Variants in ZNF419 observed in about 807,000 individuals in gnomAD.
The protein encoded by ZNF419 is zinc finger protein 419A.
ZNF419 carries 8 observed loss-of-function variants against 14.9 expected under a neutral mutation model. That is an observed-to-expected ratio of 0.54 (90% CI 0.32 to 0.97). ZNF419 has a LOEUF of 0.97. Ranked by LOEUF, ZNF419 falls within the 50% of genes least tolerant of loss-of-function variation. ZNF419 has a pLI of 0.04. For synonymous variants in ZNF419, 211 were observed against 205.3 expected (o/e 1.03, Z -0.24); for missense variants, 595 against 607.2 (o/e 0.98, Z 0.21).
chr19:57,493,949 T>C lies in ZNF419; in HGVS notation c.1392T>C (p.Phe464=). 6.2e-7 allele frequency: 1 copy of C among 1,614,090 alleles called. No homozygotes were observed. Among genetic ancestry groups the C allele is most frequent in the Non-Finnish European group, 8.5e-7 (1 of 1,180,022 alleles). ...PFKCNECGRL[F]RENSSLVKHQ... Reference sequence around the variant, plus strand: ...AGTGCAATGAATGTGGGAGATTGTTTAGAGAGAATTCCAGCCTTGTTAAAC... The same window carrying C: ...AGTGCAATGAATGTGGGAGATTGTTCAGAGAGAATTCCAGCCTTGTTAAAC... The change falls in exon 5 of 5, where the codon TTT becomes TTC. Residue 464 remains phenylalanine (F), a synonymous_variant. Coordinates refer to ENST00000221735, the MANE Select transcript of ZNF419 (RefSeq NM_024691.4).
chr19:57,495,359 A>T lies in ZNF419; in HGVS notation c.*1269A>T, dbSNP rs950578898. On this transcript the variant is annotated 3_prime_UTR_variant, in exon 5 of 5. Transcript: ENST00000221735. ...GATTGTCTTAATTTTATGGAGCCCA[A>T]TTTATCCATTTGTTATTTTATTCAT... The T allele has an allele frequency of 6.6e-6, 1 of 152,096 alleles. No homozygotes were observed. Among genetic ancestry groups the T allele is most frequent in the Non-Finnish European group, 1.5e-5 (1 of 68,020 alleles). 9.4% of individuals were successfully genotyped at this position (152,096 alleles called of 1,614,324 possible).
chr19:57,495,810 T>C lies in ZNF419; in HGVS notation c.*1720T>C, dbSNP rs997226934. The C allele has an allele frequency of 6.9e-5, 10 of 144,360 alleles. No individual in the cohort carries two copies. Among genetic ancestry groups the C allele is most frequent in the Non-Finnish European group, 1.4e-4 (9 of 66,430 alleles). The allele number at this position is 144,360 out of a possible 1,614,324, so 8.9% of individuals were successfully genotyped here. The stretch of plus-strand genomic sequence containing the variant: ...GCTACTGTAATCTTATGAATCTTTT[T>C]AAATATCCAACTTCTGAAATATTTG... On this transcript the variant is annotated 3_prime_UTR_variant, in exon 5 of 5. Coordinates refer to ENST00000221735, the MANE Select transcript of ZNF419 (RefSeq NM_024691.4).
intron 4 of ZNF419, chr19:57,492,641 C>G (rs1026789864): frequency 1.3e-6 from 1 of 774,292 alleles, no homozygotes; most frequent in African/African-American, 1.7e-5. Flanking sequence ...TATACCCCAT[C>G]CTTGCATCCT....
intron 1 of ZNF419, chr19:57,488,267 A>AG: frequency 1.9e-6 from 1 of 513,528 alleles, no homozygotes; most frequent in East Asian, 3.0e-5. Context: ...TTTCATCCTG[A>AG]GGGGGCCACA....
intron 2 of ZNF419, 187 bp downstream of exon 2, chr19:57,490,372 A>G: frequency 2.3e-6 from 1 of 427,464 alleles, no homozygotes. Flanking sequence ...ATTTTCTTTT[A>G]AGACAGAGTT....
At position 57,493,029 on chromosome 19, in the gene ZNF419, T is replaced by G. The variant is rs375611784; in HGVS notation, c.472T>G (p.Ser158Ala). The change falls in exon 5 of 5, where the codon TCC (serine) becomes GCC (alanine). Residue 158 changes from serine to alanine, a missense_variant. Transcript: ENST00000221735. ...TTGCAAAGTTCACCTATCAGAGAAG[T>G]CCTTGCAAAGCAGGGAGGTTGGGAA... ...RSCKVHLSEK[S>A]LQSREVGKAL... 9.9e-6 allele frequency: 16 copies of G among 1,614,018 alleles called. No individual in the cohort carries two copies. Among genetic ancestry groups the G allele is most frequent in the Non-Finnish European group, 1.4e-5 (16 of 1,180,022 alleles).
At chr19:57,489,532 C>T (rs887655111) in intron 1 of ZNF419, 1 of 135,706 alleles carries the variant, frequency 7.4e-6, no homozygotes, top group Admixed American at 8.0e-5. Flanking sequence ...TTTTGTTGCC[C>T]AGGCTAAACT....
rs2089585397 is a variant in ZNF419, at chr19:57,494,542, G to A, written c.*452G>A. ...GTATTCTTGGCTGTACCCGTCGAAT[G>A]GAGTTTTGATCTCGCTGAGTTTGGA... On this transcript the variant is annotated 3_prime_UTR_variant, in exon 5 of 5. Transcript: ENST00000221735. 1 of 169,488 alleles carries A rather than the reference G, an allele frequency of 5.9e-6. No individual in the cohort carries two copies. The highest frequency in any genetic ancestry group is 1.9e-4 in the South Asian group (1 of 5,266). 10.5% of individuals were successfully genotyped at this position (169,488 alleles called of 1,614,324 possible).
Position 57,493,793 on chromosome 19 carries a change from CACCCT to C in ZNF419, c.1238_1242del (p.Thr413SerfsTer2). On this transcript the variant is annotated frameshift_variant, in exon 5 of 5. Coordinates refer to ENST00000221735, the MANE Select transcript of ZNF419 (RefSeq NM_024691.4). LOFTEE classifies it low-confidence loss of function (END_TRUNC). ...GTGGGAGATTCTTTAGAGAGAATTC[CACCCT>C]AGTTAGACATCAGAGGGTTCACACT... 6.2e-7 allele frequency: 1 copy of C among 1,614,090 alleles called. No individual in the cohort carries two copies. The highest frequency in any genetic ancestry group is 1.3e-5 in the African/African-American group (1 of 75,026).
Position 57,493,057 on chromosome 19 carries a change from C to T in ZNF419, c.500C>T (p.Ala167Val), listed in dbSNP as rs753648392. The T allele has an allele frequency of 2.5e-6, 4 of 1,614,008 alleles. No homozygotes were observed. The highest frequency in any genetic ancestry group is 3.4e-6 in the Non-Finnish European group (4 of 1,179,950). The change falls in exon 5 of 5, where the codon GCC becomes GTC. Residue 167 changes from alanine (A) to valine (V), a missense_variant. Coordinates refer to ENST00000221735, the MANE Select transcript of ZNF419 (RefSeq NM_024691.4). Reference sequence around the variant, plus strand: ...TTGCAAAGCAGGGAGGTTGGGAAGGCCCTCCTGATCAGCTCAGGTGTTCTC... The same window carrying T: ...TTGCAAAGCAGGGAGGTTGGGAAGGTCCTCCTGATCAGCTCAGGTGTTCTC... The part of the protein sequence containing the change: ...KSLQSREVGK[A>V]LLISSGVLKH...
rs546669516 is a variant in ZNF419, at chr19:57,490,128, T to G, written c.34-19T>G. The G allele has an allele frequency of 1.8e-5, 29 of 1,612,546 alleles. No individual in the cohort carries two copies. The East Asian group carries it at 4.7e-4, about 26-fold the overall frequency. On this transcript the variant is annotated intron_variant, in intron 1 of 4. Coordinates refer to ENST00000221735, the MANE Select transcript of ZNF419 (RefSeq NM_024691.4). ...TGGCAACATCACTGTCTGGTTCTCA[T>G]AGTCTTGATTTTCCATAGGTTCCTG...
At position 57,491,580 on chromosome 19, in the gene ZNF419, C is replaced by T. The variant is rs368422914; in HGVS notation, c.182C>T (p.Thr61Ile). 8.6e-5 allele frequency: 138 copies of T among 1,613,976 alleles called. No homozygotes were observed. Among genetic ancestry groups the T allele is most frequent in the Admixed American group, 2.2e-4 (13 of 59,996 alleles). Residue 61 changes from threonine (T) to isoleucine (I), a missense_variant, in exon 3 of 5, where the codon ACA becomes ATA. Physicochemically the swap from Thr to Ile is moderately conservative, Grantham distance 89. Transcript: ENST00000221735. Reference protein sequence around the residue: ...LYRNVMLENFTLLASLGLASS... With the variant: ...LYRNVMLENFILLASLGLASS... Reference sequence around the variant, plus strand: ...CGCAATGTGATGCTGGAGAACTTTACACTTCTGGCCTCTCTGGGTAAGGTT... The same window carrying T: ...CGCAATGTGATGCTGGAGAACTTTATACTTCTGGCCTCTCTGGGTAAGGTT...
chr19:57,489,452 GA>G (rs1308634748), intron 1 of ZNF419: 8 of 149,378 alleles, frequency 5.4e-5, no homozygotes, highest in Non-Finnish European at 1.2e-4. Flanking sequence ...GTAAGTTTAA[GA>G]AACCCATATT....
chr19:57,487,941 AC>A lies in ZNF419; in HGVS notation c.-9del. 6.2e-7 allele frequency: 1 copy of A among 1,613,650 alleles called. No homozygotes were observed. The highest frequency in any genetic ancestry group is 1.1e-5 in the South Asian group (1 of 91,024). On this transcript the variant is annotated 5_prime_UTR_variant, in exon 1 of 5. Transcript: ENST00000221735. Reference sequence around the variant, plus strand: ...CATTGTCTCCCCTCCAGCTCTACTCACAGGCTCCGATGGCGGCGGCCGCCCT... The same window carrying A: ...CATTGTCTCCCCTCCAGCTCTACTCAAGGCTCCGATGGCGGCGGCCGCCCT...
Position 57,494,178 on chromosome 19 carries a change from A to G in ZNF419, c.*88A>G. ...AAAATCTTGAAGGTAACAGATGGAA[A>G]TCCGTTAGCCACACCTCCAGTCTCA... On this transcript the variant is annotated 3_prime_UTR_variant, in exon 5 of 5. Coordinates refer to ENST00000221735, the MANE Select transcript of ZNF419 (RefSeq NM_024691.4). The G allele has an allele frequency of 6.6e-7, 1 of 1,514,486 alleles. No individual in the cohort carries two copies. The highest frequency in any genetic ancestry group is 8.8e-7 in the Non-Finnish European group (1 of 1,133,494). 93.8% of individuals were successfully genotyped at this position (1,514,486 alleles called of 1,614,324 possible).
In ZNF419 at chr19:57,492,919, G is replaced by T. The variant is rs752771870; in HGVS notation, c.362G>T (p.Ser121Ile). 1.2e-6 allele frequency: 2 copies of T among 1,614,212 alleles called. No homozygotes were observed. The highest frequency in any genetic ancestry group is 2.2e-5 in the East Asian group (1 of 44,884). ...PEQIASVGLL[S>I]SNIQQHQKQH... Reference sequence around the variant, plus strand: ...CAGATTGCTTCTGTAGGACTGCTCAGTTCAAACATTCAGCAACACCAGAAG... The same window carrying T: ...CAGATTGCTTCTGTAGGACTGCTCATTTCAAACATTCAGCAACACCAGAAG... Residue 121 changes from serine to isoleucine, a missense_variant, in exon 5 of 5, where the codon AGT (serine) becomes ATT (isoleucine). Physicochemically the swap from Ser to Ile is moderately radical, Grantham distance 142 (BLOSUM62 -2). Transcript: ENST00000221735.
At position 57,487,754 on chromosome 19, in the gene ZNF419, T is replaced by G. The variant is rs2123179969; in HGVS notation, c.-197T>G. On this transcript the variant is annotated 5_prime_UTR_variant, in exon 1 of 5. Transcript: ENST00000221735. ...GGGACTTCCGGCGTCTCGTTTGGTA[T>G]TCACTTTCGCGACTCAGGTGAACTA... 2.9e-6 allele frequency: 2 copies of G among 695,756 alleles called. No homozygotes were observed. Among genetic ancestry groups the G allele is most frequent in the East Asian group, 2.7e-5 (1 of 36,682 alleles). 43.1% of individuals were successfully genotyped at this position (695,756 alleles called of 1,614,324 possible).
chr19:57,491,395 G>T (rs2123200793), intron 2 of ZNF419, 76 bp from the exon 3 acceptor site: 1 of 1,590,956 alleles, frequency 6.3e-7, no homozygotes, highest in Non-Finnish European at 8.6e-7. Context: ...GGTGAGCAGG[G>T]GTGGATGTTT....
At position 57,490,159 on chromosome 19, in the gene ZNF419, G is replaced by A; in HGVS notation, c.46G>A (p.Ala16Thr). 1 of 1,613,384 alleles carries A rather than the reference G, an allele frequency of 6.2e-7. No individual in the cohort carries two copies. Among genetic ancestry groups the A allele is most frequent in the East Asian group, 2.2e-5 (1 of 44,858 alleles). The change falls in exon 2 of 5, where the codon GCA becomes ACA. Residue 16 changes from alanine to threonine, a missense_variant. Physicochemically the swap from Ala to Thr is moderately conservative, Grantham distance 58. Transcript: ENST00000221735. ...TGATTTTCCATAGGTTCCTGTGGCTGCAGACTTGCTTACAGACCATGAGGA... is the reference window on the plus strand; with the variant it reads ...TGATTTTCCATAGGTTCCTGTGGCTACAGACTTGCTTACAGACCATGAGGA... ...LRDPAQVPVA[A>T]DLLTDHEEGY... is the part of the protein sequence containing the mutation.
Sources: allele counts gnomAD v4.1 joint callset, GRCh38; gene constraint gnomAD v4.1.1; transcripts MANE v1.5; gene names NCBI Gene and HGNC (gene_info 2026-07-23, HGNC 2026-07-21).